The following RTRAF variants were observed in gnomAD, a reference collection of about 807,000 sequenced individuals.
The protein encoded by RTRAF is RNA transcription, translation and transport factor, also known as tRNA-splicing ligase complex subunit RTRAF.
A neutral mutation model predicts 34.4 loss-of-function variants in RTRAF; 14 were observed. That is an observed-to-expected ratio of 0.41 (90% CI 0.27 to 0.64). RTRAF has a LOEUF of 0.64. Among genes scored for constraint, RTRAF ranks in the 30% least tolerant of loss-of-function variants. RTRAF has a pLI of 0.34. For synonymous variants in RTRAF, 96 were observed against 95.3 expected (o/e 1.01, Z -0.04); for missense variants, 291 against 288.4 (o/e 1.01, Z -0.06).
chr14:51,997,425 G>C (rs11849398), intron 3 of RTRAF, among the ~76,000 whole-genome samples: 1 of 151,550 alleles, frequency 6.6e-6, no homozygotes, highest in Non-Finnish European at 1.5e-5. Context: ...CTGTCATCAC[G>C]TATTTTGCTG....
rs1890729767 is a variant in RTRAF at position 52,005,428 on chromosome 14, G to GTTCT, written c.*915_*918dup. 2.0e-6 allele frequency: 3 copies of GTTCT among 1,495,952 alleles called. No individual in the cohort carries two copies. The Admixed American group carries it at 6.7e-5, about 34-fold the overall frequency. 92.7% of individuals were successfully genotyped at this position (1,495,952 alleles called of 1,614,324 possible). A position where few individuals can be genotyped will look rare whatever the true frequency, so the allele number is the denominator to read the frequency against. On this transcript the variant is annotated 3_prime_UTR_variant, in exon 8 of 8. Transcript: ENST00000261700. ...TACTTTCTTTGCCTTTGCAGTCACTGTTCTTTAGGGTCCAGGTTCTGATTG... is the reference window on the plus strand; with the variant it reads ...TACTTTCTTTGCCTTTGCAGTCACTGTTCTTTCTTTAGGGTCCAGGTTCTGATTG...
chr14:51,995,977 C>T (rs1228156306), intron 3 of RTRAF, among the ~76,000 whole-genome samples: 2 of 152,042 alleles, frequency 1.3e-5, no homozygotes, highest in African/African-American at 4.8e-5. Context: ...AACTGTTTTT[C>T]ATTTATTCCC....
chr14:51,998,484 G>C lies in RTRAF; in HGVS notation c.287-10G>C, dbSNP rs112285188. ...AGTTGTACAAATTATATTTTTGCCT[G>C]TTTTTATAGCTGAAAAATACAAGGA... On this transcript the variant is annotated splice_polypyrimidine_tract_variant and intron_variant, in intron 3 of 7. Transcript: ENST00000261700. 1.2e-3 allele frequency: 1,788 copies of C among 1,513,938 alleles called. 16 individuals are homozygous for C. The African/African-American group carries it at 0.023, about 19-fold the overall frequency. The allele number at this position is 1,513,938 out of a possible 1,614,324, so 93.8% of individuals were successfully genotyped here.
rs1890860885 is a variant in RTRAF, at chr14:52,008,051, T to A, written c.*3535T>A. 2 of 1,096,592 alleles carry A rather than the reference T, an allele frequency of 1.8e-6. No individual in the cohort carries two copies. The highest frequency in any genetic ancestry group is 3.2e-5 in the African/African-American group (2 of 63,352). The allele number at this position is 1,096,592 out of a possible 1,614,324, so 67.9% of individuals were successfully genotyped here. ...TCTAAGCAGCCCCCAGTGATCTCCA[T>A]CTCCTCATGTATTATAGCCTTAAGC... On this transcript the variant is annotated 3_prime_UTR_variant, in exon 8 of 8. Transcript: ENST00000261700.
intron 6 of RTRAF, 22 bp from the exon 7 acceptor site, chr14:52,004,172 T>TTTTGTCTTTCTTTTTTTAAA: frequency 6.3e-7 from 1 of 1,599,906 alleles, no homozygotes; most frequent in South Asian, 1.1e-5. Flanking sequence ...AATACTCTCA[T>TTTTGTCTTTCTTTTTTTAAA]TTTGTCTTTC....
At chr14:51,994,447 A>G (rs541452183) in intron 3 of RTRAF, among the ~76,000 whole-genome samples, 2 of 152,256 alleles carry the variant, frequency 1.3e-5, no homozygotes, top group Non-Finnish European at 2.9e-5. Flanking sequence ...TTTACTTTGG[A>G]AGCCTTTTTA....
intron 2 of RTRAF, among the ~76,000 whole-genome samples, chr14:51,991,919 T>A (rs897897625): frequency 2.6e-5 from 4 of 152,214 alleles, no homozygotes; most frequent in Admixed American, 2.6e-4. Context: ...AATAGAAAGT[T>A]ATCTGGGTGT....
chr14:52,007,838 GAA>G lies in RTRAF; in HGVS notation c.*3324_*3325del, dbSNP rs748829083. On this transcript the variant is annotated 3_prime_UTR_variant, in exon 8 of 8. Transcript: ENST00000261700. ...CATCTGCCCAGCAGAGCAGTTTAGA[GAA>G]AGGGTCAAAGGTTAAGCCATTGGGC... is the stretch of plus-strand genomic sequence containing the variant. The G allele has an allele frequency of 5.0e-6, 8 of 1,613,940 alleles. No homozygotes were observed. Among genetic ancestry groups the G allele is most frequent in the Non-Finnish European group, 6.8e-6 (8 of 1,179,926 alleles).
In RTRAF at chr14:52,005,886, C is replaced by CATTTACTAGATAA; in HGVS notation, c.*1372_*1384dup. 6.9e-7 allele frequency: 1 copy of CATTTACTAGATAA among 1,443,156 alleles called. No individual in the cohort carries two copies. Among genetic ancestry groups the CATTTACTAGATAA allele is most frequent in the Non-Finnish European group, 9.7e-7 (1 of 1,033,098 alleles). The allele number at this position is 1,443,156 out of a possible 1,614,324, so 89.4% of individuals were successfully genotyped here. ...AAGGAAGAGTGAATTCAGGGACAGT[C>CATTTACTAGATAA]ATTTACTAGATAAAGAAGTCAGTCA... is the stretch of plus-strand genomic sequence containing the variant. On this transcript the variant is annotated 3_prime_UTR_variant, in exon 8 of 8. Transcript: ENST00000261700.
intron 2 of RTRAF, among the ~76,000 whole-genome samples, chr14:51,993,014 A>T (rs1890457045): frequency 6.6e-6 from 1 of 152,158 alleles, no homozygotes; most frequent in Non-Finnish European, 1.5e-5. Flanking sequence ...TGGGCAACAG[A>T]ACAAGACTCT....
intron 3 of RTRAF, among the ~76,000 whole-genome samples, chr14:51,995,827 T>G (rs1890512699): frequency 6.6e-6 from 1 of 152,164 alleles, no homozygotes; most frequent in Admixed American, 6.5e-5. Context: ...AAAAAACTTT[T>G]CTTTCTTTAG....
Position 52,006,385 on chromosome 14 carries a change from T to C in RTRAF, c.*1869T>C, listed in dbSNP as rs992849225. ...AACATGAAAGGATGAAAAACATCCT[T>C]GAAGGATCTTATCTGCCAATGAGGA... On this transcript the variant is annotated 3_prime_UTR_variant, in exon 8 of 8. Coordinates refer to ENST00000261700, the MANE Select transcript of RTRAF (RefSeq NM_016039.3). The C allele has an allele frequency of 2.4e-5, 19 of 783,726 alleles. No individual in the cohort carries two copies. The East Asian group carries it at 4.1e-4, about 17-fold the overall frequency. 48.5% of individuals were successfully genotyped at this position (783,726 alleles called of 1,614,324 possible). A position where few individuals can be genotyped will look rare whatever the true frequency, so the allele number is the denominator to read the frequency against.
At chr14:51,990,628 C>CA (rs1421636696) in intron 1 of RTRAF, among the ~76,000 whole-genome samples, 6 of 152,146 alleles carry the variant, frequency 3.9e-5, no homozygotes. Flanking sequence ...GTATCAGTGA[C>CA]AATAGAGCCT....
At position 52,007,816 on chromosome 14, in the gene RTRAF, C is replaced by A; in HGVS notation, c.*3300C>A. The A allele has an allele frequency of 6.2e-7, 1 of 1,613,574 alleles. No homozygotes were observed. The highest frequency in any genetic ancestry group is 8.5e-7 in the Non-Finnish European group (1 of 1,179,710). On this transcript the variant is annotated 3_prime_UTR_variant, in exon 8 of 8. Coordinates refer to ENST00000261700, the MANE Select transcript of RTRAF (RefSeq NM_016039.3). ...ATTCCATCAGTAGTATTACCTGCAT[C>A]TGCCCAGCAGAGCAGTTTAGAGAAA...
At chr14:51,992,022 T>C (rs1021107908) in intron 2 of RTRAF, among the ~76,000 whole-genome samples, 8 of 152,234 alleles carry the variant, frequency 5.3e-5, no homozygotes, top group African/African-American at 1.9e-4. Flanking sequence ...AAAGACATTA[T>C]TGAGATGCTT....
In RTRAF at chr14:51,997,060, G is replaced by T. The variant is rs560950439; in HGVS notation, c.287-1434G>T. On this transcript the variant is annotated intron_variant, in intron 3 of 7. Coordinates refer to ENST00000261700, the MANE Select transcript of RTRAF (RefSeq NM_016039.3). Reference sequence around the variant, plus strand: ...TAGTGCATCATATTAGGAGATACGTGATAGCGATATGTCCCATTACTAGTT... The same window carrying T: ...TAGTGCATCATATTAGGAGATACGTTATAGCGATATGTCCCATTACTAGTT... 4.6e-5 allele frequency among the ~76,000 whole-genome samples: 7 copies of T among 152,122 alleles called. 1 individual carries two copies. The South Asian group carries it at 1.2e-3, about 27-fold the overall frequency.
At chr14:51,991,226 A>G in intron 1 of RTRAF, 91 bp from the exon 2 acceptor site, 1 of 1,351,378 alleles carries the variant, frequency 7.4e-7, no homozygotes, top group Middle Eastern at 2.1e-4. Context: ...AGTTAAGAAA[A>G]TTCCACAAGA....
intron 2 of RTRAF, 21 bp downstream of exon 2, chr14:51,991,462 GTAAAAA>G: frequency 2.5e-6 from 4 of 1,595,978 alleles, no homozygotes; most frequent in Non-Finnish European, 3.4e-6. Context: ...AGGAAGTAAA[GTAAAAA>G]TACAGAGAGT....
rs1890764274 is a variant in RTRAF, at chr14:52,005,996, GAAGACCATTGCTCT to G, written c.*1483_*1496del. On this transcript the variant is annotated 3_prime_UTR_variant, in exon 8 of 8. Coordinates refer to ENST00000261700, the MANE Select transcript of RTRAF (RefSeq NM_016039.3). ...TGGTGCTAAAGCCATACTGAAGTTTGAAGACCATTGCTCTAAATCCATTGCTCATCTCTAGCTGC... is the reference window on the plus strand; with the variant it reads ...TGGTGCTAAAGCCATACTGAAGTTTGAAATCCATTGCTCATCTCTAGCTGC... 59 of 633,218 alleles carry G rather than the reference GAAGACCATTGCTCT, an allele frequency of 9.3e-5. No individual in the cohort carries two copies. The South Asian group carries it at 1.1e-3, about 11-fold the overall frequency. 39.2% of individuals were successfully genotyped at this position (633,218 alleles called of 1,614,324 possible).
Sources: allele counts gnomAD v4.1 joint callset (sites outside exome capture counted in the v4.1 genomes callset), GRCh38; gene constraint gnomAD v4.1.1; transcripts MANE v1.5; gene names NCBI Gene and HGNC (gene_info 2026-07-23, HGNC 2026-07-21).